CPSF2: variants seen among roughly 807,000 people sequenced by gnomAD.
CPSF2 encodes cleavage and polyadenylation specificity factor subunit 2.
CPSF2 carries 51 observed loss-of-function variants against 84.2 expected under a neutral mutation model. The observed-to-expected ratio is 0.61, with a 90% CI of 0.48 to 0.77. The LOEUF is 0.77. Among genes scored for constraint, CPSF2 ranks in the 30% least tolerant of loss-of-function variants. The probability of loss-of-function intolerance (pLI) is 0.00; values close to 1 mark genes in which losing one functional copy is unlikely to be tolerated. For missense variants in CPSF2, 641 were observed against 929.4 expected (o/e 0.69, Z 4.03); for synonymous variants, 286 against 311.9 (o/e 0.92, Z 0.87).
At position 92,159,292 on chromosome 14, in the gene CPSF2, G is replaced by T; in HGVS notation, c.2121+10G>T. 1 of 1,558,316 alleles carries T rather than the reference G, an allele frequency of 6.4e-7. No homozygotes were observed. On this transcript the variant is annotated intron_variant, in intron 14 of 15. Transcript: ENST00000298875. ...CTTGCCACCTCATGAGGTAAAAAAA[G>T]CATGTGCTTTTTTGATTTCTTCCTG...
chr14:92,137,172 C>A (rs1343024775), intron 6 of CPSF2, among the ~76,000 whole-genome samples: 1 of 151,858 alleles, frequency 6.6e-6, no homozygotes, highest in Admixed American at 6.6e-5. Context: ...TTTAAATGAT[C>A]TTTTTTTGTT....
At chr14:92,140,277 T>C (rs945636138) in intron 7 of CPSF2, among the ~76,000 whole-genome samples, 4 of 151,704 alleles carry the variant, frequency 2.6e-5, no homozygotes, top group African/African-American at 9.7e-5. Context: ...ATTAATAATA[T>C]ACCGTGTTGC....
At chr14:92,133,636 T>C (rs1280047321) in intron 3 of CPSF2, among the ~76,000 whole-genome samples, 1 of 151,136 alleles carries the variant, frequency 6.6e-6, no homozygotes, top group African/African-American at 2.4e-5. Context: ...TTTTTTTTTT[T>C]GTATTTTTTA....
intron 8 of CPSF2, among the ~76,000 whole-genome samples, chr14:92,142,706 G>A (rs1044763171): frequency 3.3e-5 from 5 of 152,108 alleles, no homozygotes; most frequent in African/African-American, 1.2e-4. Context: ...TTTTTGCCTT[G>A]AAATAGCAAT....
rs781087091 is a variant in CPSF2, at chr14:92,155,192, G to A, written c.1311G>A (p.Thr437=). ...TTGACCAGCCATCAGCTCATAAGAC[G>A]AAGCATGACTTGATGATGAAAGGTG... ...EDIDQPSAHK[T]KHDLMMKGEG... Residue 437 remains threonine (T), a synonymous_variant, in exon 11 of 16, where the codon ACG becomes ACA. Coordinates refer to ENST00000298875, the MANE Select transcript of CPSF2 (RefSeq NM_017437.3). 114 of 1,613,866 alleles carry A rather than the reference G, an allele frequency of 7.1e-5. No homozygotes were observed. In the Admixed American group the frequency reaches 1.5e-3, roughly 21 times the overall value.
chr14:92,127,677 G>A (rs1353848052), intron 2 of CPSF2, among the ~76,000 whole-genome samples: 1 of 152,188 alleles, frequency 6.6e-6, no homozygotes, highest in Non-Finnish European at 1.5e-5. Context: ...TGGTACATCA[G>A]TGATACGTTG....
intron 9 of CPSF2, among the ~76,000 whole-genome samples, chr14:92,152,902 A>G (rs1202775355): frequency 6.6e-6 from 1 of 152,094 alleles, no homozygotes; most frequent in African/African-American, 2.4e-5. Context: ...ATATATGAGA[A>G]CTACTGATTT....
Position 92,149,994 on chromosome 14 carries a change from G to A in CPSF2, c.1141-4364G>A, listed in dbSNP as rs543006148. Among the ~76,000 whole-genome samples the A allele has an allele frequency of 3.9e-5, 6 of 152,182 alleles. No individual in the cohort carries two copies. In the South Asian group the frequency reaches 1.2e-3, roughly 32 times the overall value. ...TTAAAATAATTTGGGTGACAAGATGGGAAGTATTAATAAAGAATTTGCGTT... is the reference window on the plus strand; with the variant it reads ...TTAAAATAATTTGGGTGACAAGATGAGAAGTATTAATAAAGAATTTGCGTT... On this transcript the variant is annotated intron_variant, in intron 9 of 15. Coordinates refer to ENST00000298875, the MANE Select transcript of CPSF2 (RefSeq NM_017437.3).
rs2141487540 is a variant in CPSF2 at position 92,163,420 on chromosome 14, T to A, written c.*1676T>A. On this transcript the variant is annotated 3_prime_UTR_variant, in exon 16 of 16. Transcript: ENST00000298875. Reference sequence around the variant, plus strand: ...TATAAAGAGTATGTTTTCTTTTTAGTGCTTTGGAAAAATTTCACTTAAACT... The same window carrying A: ...TATAAAGAGTATGTTTTCTTTTTAGAGCTTTGGAAAAATTTCACTTAAACT... The A allele has an allele frequency of 6.5e-6, 1 of 152,778 alleles. No individual in the cohort carries two copies. The highest frequency in any genetic ancestry group is 2.4e-5 in the African/African-American group (1 of 41,578). The allele number at this position is 152,778 out of a possible 1,614,324, so 9.5% of individuals were successfully genotyped here. A position where few individuals can be genotyped will look rare whatever the true frequency, so the allele number is the denominator to read the frequency against.
At chr14:92,161,364 C>A in intron 15 of CPSF2, 118 bp downstream of exon 15, 2 of 1,210,478 alleles carry the variant, frequency 1.7e-6, no homozygotes, top group Non-Finnish European at 2.3e-6. Context: ...AATTTATATT[C>A]ATGATCATGA....
chr14:92,147,484 C>T (rs2069158241), intron 9 of CPSF2, among the ~76,000 whole-genome samples: 1 of 152,002 alleles, frequency 6.6e-6, no homozygotes, highest in African/African-American at 2.4e-5. Flanking sequence ...AGCCATTAAT[C>T]TTACATATTT....
Position 92,154,339 on chromosome 14 carries a change from G to C in CPSF2, c.1141-19G>C, listed in dbSNP as rs1388759021. ...TATTAACATATTAACATTTCCTTTT[G>C]TCTTTTATTTTTTTTTAGTTGAGGA... On this transcript the variant is annotated intron_variant, in intron 9 of 15. Coordinates refer to ENST00000298875, the MANE Select transcript of CPSF2 (RefSeq NM_017437.3). The C allele has an allele frequency of 1.3e-6, 2 of 1,564,402 alleles. No homozygotes were observed. Among genetic ancestry groups the C allele is most frequent in the Non-Finnish European group, 1.7e-6 (2 of 1,150,338 alleles).
At chr14:92,161,367 G>A (rs534549077) in intron 15 of CPSF2, 121 bp downstream of exon 15, 64 of 1,149,648 alleles carry the variant, frequency 5.6e-5, no homozygotes, top group African/African-American at 4.0e-4. Flanking sequence ...TTATATTCAT[G>A]ATCATGACCT....
intron 14 of CPSF2, 127 bp from the exon 15 acceptor site, chr14:92,160,978 AAATGATC>A (rs2069363979): frequency 1.3e-6 from 1 of 788,796 alleles, no homozygotes; most frequent in Non-Finnish European, 2.0e-6. Flanking sequence ...TACAGTCTTG[AAATGATC>A]TGTCAAAGGA....
In CPSF2 at chr14:92,157,669, AC is replaced by A; in HGVS notation, c.1608del (p.Tyr537ThrfsTer2). 6.2e-7 allele frequency: 1 copy of A among 1,611,262 alleles called. No individual in the cohort carries two copies. On this transcript the variant is annotated frameshift_variant, in exon 13 of 16. Transcript: ENST00000298875. LOFTEE classifies it high-confidence loss of function. The surrounding 1 kb of genome is among the most constrained non-coding windows in gnomAD (Gnocchi z 4.0). Reference protein sequence around the residue: ...TESIEIKARVTYIDYEGRSDG... With the variant: ...TESIEIKARVXYIDYEGRSDG... ...CATATCTAATTACAGAGCCCGGGTT[AC>A]CTACATAGACTATGAAGGACGCTCT... is the stretch of plus-strand genomic sequence containing the variant.
rs1193454004 is a variant in CPSF2, at chr14:92,143,156, A to G, written c.1002A>G (p.Glu334=). ...TACTTGCCAGCCAACCTGACCTGGA[A>G]TGCGGATTTTCAAGGGATCTCTTTA... ...KVVLASQPDL[E]CGFSRDLFIQ... The change falls in exon 9 of 16, where the codon GAA becomes GAG. Residue 334 remains glutamate (E), a synonymous_variant. Transcript: ENST00000298875. The G allele has an allele frequency of 1.2e-6, 2 of 1,614,028 alleles. No homozygotes were observed. Among genetic ancestry groups the G allele is most frequent in the African/African-American group, 2.7e-5 (2 of 74,898 alleles).
At position 92,131,955 on chromosome 14, in the gene CPSF2, C is replaced by A. The variant is rs551253175; in HGVS notation, c.149+822C>A. On this transcript the variant is annotated intron_variant, in intron 3 of 15. Coordinates refer to ENST00000298875, the MANE Select transcript of CPSF2 (RefSeq NM_017437.3). ...TAGAACTTGAGAAAAAAAATCCAAA[C>A]CATTTTATTAATTTCTTGTGTTGAT... 2.0e-3 allele frequency among the ~76,000 whole-genome samples: 299 copies of A among 152,122 alleles called. 1 individual carries two copies. Among genetic ancestry groups the A allele is most frequent in the African/African-American group, 6.6e-3 (274 of 41,510 alleles).
In CPSF2 at chr14:92,164,628, T is replaced by G. The variant is rs1595071563; in HGVS notation, c.*2884T>G. The stretch of plus-strand genomic sequence containing the variant: ...CAAATAATTTGGTTAAAATGAAATT[T>G]GATTGTAGTATTTGTTGCTGTAGGA... On this transcript the variant is annotated 3_prime_UTR_variant, in exon 16 of 16. Transcript: ENST00000298875. 6.6e-6 allele frequency: 1 copy of G among 152,240 alleles called. No homozygotes were observed. The highest frequency in any genetic ancestry group is 1.9e-4 in the East Asian group (1 of 5,208). 9.4% of individuals were successfully genotyped at this position (152,240 alleles called of 1,614,324 possible). A position where few individuals can be genotyped will look rare whatever the true frequency, so the allele number is the denominator to read the frequency against.
At chr14:92,125,519 C>T (rs1200660008) in intron 1 of CPSF2, among the ~76,000 whole-genome samples, 3 of 152,092 alleles carry the variant, frequency 2.0e-5, no homozygotes, top group East Asian at 1.9e-4. Context: ...CAATCATACA[C>T]ACCAGCTAAT....
Sources: gnomAD v4.1 joint callset for allele counts (sites outside exome capture counted in the v4.1 genomes callset) on GRCh38, gnomAD v4.1.1 for gene constraint, Gnocchi (gnomAD v3.1) non-coding constraint, MANE v1.5 for transcripts, NCBI Gene and HGNC (gene_info 2026-07-23, HGNC 2026-07-21) for gene names.